The following DTX2 variants were observed in gnomAD, a reference collection of about 807,000 sequenced individuals.
DTX2 encodes the protein deltex E3 ubiquitin ligase 2.
A neutral mutation model predicts 55.3 loss-of-function variants in DTX2; 29 were observed. The ratio of observed to expected loss-of-function variants is 0.52; its 90% CI spans 0.39 to 0.71. The LOEUF is 0.71. Among genes scored for constraint, DTX2 ranks in the 30% least tolerant of loss-of-function variants. The pLI, the probability that DTX2 is intolerant of heterozygous loss-of-function variation, is 0.00. For synonymous variants in DTX2, 276 were observed against 340.4 expected, an observed-to-expected ratio of 0.81 and a Z score of 2.08; for missense variants, 537 against 822.5, an observed-to-expected ratio of 0.65 and a Z score of 4.25.
At chr7:76,502,657 C>G (rs6964085) in intron 8 of DTX2, among the ~76,000 whole-genome samples, 25,795 of 151,930 alleles carry the variant, frequency 0.17, 2,404 homozygotes, top group Non-Finnish European at 0.2. Flanking sequence ...TAGGTCTGCC[C>G]CACACTTTAG....
chr7:76,505,456 C>G lies in DTX2; in HGVS notation c.1724C>G (p.Thr575Ser), dbSNP rs1812239150. ...GTSSTTGETD[T>S]VVWNEIHHKT... ...TCCAGCACCACGGGTGAGACGGACA[C>G]CGTGGTATGGAACGAGATCCACCAC... is the stretch of plus-strand genomic sequence containing the variant. Residue 575 changes from threonine to serine, a missense_variant, in exon 11 of 11, where the codon ACC becomes AGC. Thr to Ser is a moderately conservative substitution (Grantham distance 58). Transcript: ENST00000430490. This position sits in a 1 kb window ranked among gnomAD's most constrained non-coding sequence, Gnocchi z 4.4. 6.2e-7 allele frequency: 1 copy of G among 1,606,764 alleles called. No homozygotes were observed. The highest frequency in any genetic ancestry group is 8.5e-7 in the Non-Finnish European group (1 of 1,176,964).
At chr7:76,476,475 C>T (rs978655747) in intron 2 of DTX2, among the ~76,000 whole-genome samples, 1 of 152,044 alleles carries the variant, frequency 6.6e-6, no homozygotes, top group African/African-American at 2.4e-5. Context: ...AGCTGCAGCC[C>T]CAGCTCTGCC....
chr7:76,483,716 A>G (rs1378187874), intron 4 of DTX2, among the ~76,000 whole-genome samples: 2 of 151,012 alleles, frequency 1.3e-5, no homozygotes, highest in Non-Finnish European at 2.9e-5. Flanking sequence ...GAGAGAGAGA[A>G]TGATACCACG....
intron 2 of DTX2, among the ~76,000 whole-genome samples, chr7:76,468,447 C>CTTTT (rs1807434283): frequency 1.3e-4 from 10 of 77,646 alleles, no homozygotes; most frequent in South Asian, 5.4e-4. Flanking sequence ...GGCCCACTGC[C>CTTTT]ATTTTTTTTT....
At chr7:76,502,551 G>T in intron 8 of DTX2, 95 bp downstream of exon 8, 3 of 1,380,732 alleles carry the variant, frequency 2.2e-6, no homozygotes, top group Non-Finnish European at 2.9e-6. Context: ...GGTGGCTGTA[G>T]GAATGGGCCT....
At chr7:76,491,945 G>A (rs1810480752) in intron 4 of DTX2, 1 of 584,200 alleles carries the variant, frequency 1.7e-6, no homozygotes, top group Non-Finnish European at 3.1e-6. Flanking sequence ...AAAGTGCTGG[G>A]ATTACCGGTG....
chr7:76,475,619 G>A (rs1808466890), intron 2 of DTX2, among the ~76,000 whole-genome samples: 2 of 151,322 alleles, frequency 1.3e-5, no homozygotes, highest in Admixed American at 6.6e-5. Context: ...CCCGGGAGGC[G>A]GAGGTTGCAG....
intron 2 of DTX2, among the ~76,000 whole-genome samples, chr7:76,476,462 A>G (rs2116312937): frequency 6.6e-6 from 1 of 152,092 alleles, no homozygotes; most frequent in African/African-American, 2.4e-5. Context: ...TGGGCACCTG[A>G]AGAGCTGCAG....
At chr7:76,476,506 G>C (rs1441929987) in intron 2 of DTX2, among the ~76,000 whole-genome samples, 2 of 151,880 alleles carry the variant, frequency 1.3e-5, no homozygotes, top group African/African-American at 4.8e-5. Context: ...TTCTGTTTTG[G>C]TGGGGAGAAG....
chr7:76,469,167 A>G, intron 2 of DTX2, among the ~76,000 whole-genome samples: 1 of 150,566 alleles, frequency 6.6e-6, no homozygotes, highest in Non-Finnish European at 1.5e-5. Context: ...GTCACTGCAA[A>G]GACTTTTTCT....
chr7:76,480,534 C>G lies in DTX2; in HGVS notation c.25C>G (p.Leu9Val), dbSNP rs1418031998. ...GATGGCCATGGCCCCAAGCCCTTCC[C>G]TGGTGCAGGTGTACACCAGCCCCGC... is the stretch of plus-strand genomic sequence containing the variant. MAMAPSPS[L>V]VQVYTSPAAV... Residue 9 changes from leucine (L) to valine (V), a missense_variant, in exon 3 of 11, where the codon CTG becomes GTG. Transcript: ENST00000430490. The G allele has an allele frequency of 6.2e-7, 1 of 1,608,680 alleles. No individual in the cohort carries two copies. Among genetic ancestry groups the G allele is most frequent in the Non-Finnish European group, 8.5e-7 (1 of 1,177,772 alleles).
rs1811556187 is a variant in DTX2, at chr7:76,500,536, C to G, written c.1230+16C>G. 2 of 612,824 alleles carry G rather than the reference C, an allele frequency of 3.3e-6. No individual in the cohort carries two copies. Among genetic ancestry groups the G allele is most frequent in the Non-Finnish European group, 2.9e-6 (1 of 343,920 alleles). The allele number at this position is 612,824 out of a possible 1,614,324, so 38.0% of individuals were successfully genotyped here. Reference sequence around the variant, plus strand: ...CCCAGATGAGGTTTGTGTCTTGGGACCTTGGCTGCCTTTGTTTCTGTTTGG... The same window carrying G: ...CCCAGATGAGGTTTGTGTCTTGGGAGCTTGGCTGCCTTTGTTTCTGTTTGG... On this transcript the variant is annotated intron_variant, in intron 7 of 10. Transcript: ENST00000430490.
chr7:76,481,759 C>T (rs576133790), intron 3 of DTX2, among the ~76,000 whole-genome samples: 2 of 151,620 alleles, frequency 1.3e-5, no homozygotes, highest in Non-Finnish European at 2.9e-5. Flanking sequence ...ACAGTGTCAC[C>T]AGTGAGGAAA....
chr7:76,469,259 C>G (rs1584122278), intron 2 of DTX2, among the ~76,000 whole-genome samples: 1 of 149,542 alleles, frequency 6.7e-6, no homozygotes, highest in East Asian at 2.0e-4. Context: ...GTTCCAGCCA[C>G]CATTGCAGTT....
intron 4 of DTX2, 44 bp downstream of exon 4, chr7:76,483,191 C>T (rs774852183): frequency 4.7e-5 from 74 of 1,588,382 alleles, no homozygotes; most frequent in South Asian, 4.3e-4. Flanking sequence ...CCTGTGTTTC[C>T]GCTCTTAGCC....
Position 76,480,515 on chromosome 7 carries a change from C to T in DTX2, c.6C>T (p.Ala2=). 1 of 1,590,548 alleles carries T rather than the reference C, an allele frequency of 6.3e-7. No homozygotes were observed. The stretch of plus-strand genomic sequence containing the variant: ...CAGCGGGACTCCTTGGGAAGATGGC[C>T]ATGGCCCCAAGCCCTTCCCTGGTGC... The part of the protein sequence containing the change: M[A]MAPSPSLVQV... The change falls in exon 3 of 11, where the codon GCC becomes GCT. Residue 2 remains alanine (A), a synonymous_variant. Transcript: ENST00000430490.
intron 4 of DTX2, among the ~76,000 whole-genome samples, chr7:76,490,268 G>T (rs1403192619): frequency 1.2e-5 from 1 of 85,654 alleles, no homozygotes; most frequent in African/African-American, 5.6e-5. Flanking sequence ...AGAGGTTTCA[G>T]TGAGCCAAGA....
intron 2 of DTX2, among the ~76,000 whole-genome samples, chr7:76,469,503 C>T (rs1807640031): frequency 6.7e-6 from 1 of 149,396 alleles, no homozygotes; most frequent in East Asian, 2.0e-4. Context: ...AGCAATTCTC[C>T]TGCCTCAGCC....
intron 2 of DTX2, chr7:76,476,919 G>T (rs1275729935): frequency 6.6e-6 from 1 of 152,256 alleles, no homozygotes; most frequent in Non-Finnish European, 1.5e-5. Context: ...AGTTTTAGCT[G>T]ATGTCCTCGC....
Sources: allele counts gnomAD v4.1 joint callset (sites outside exome capture counted in the v4.1 genomes callset), GRCh38; gene constraint gnomAD v4.1.1; non-coding constraint Gnocchi (gnomAD v3.1); transcripts MANE v1.5; gene names NCBI Gene and HGNC (gene_info 2026-07-23, HGNC 2026-07-21).